The following ITFG1 variants were observed in gnomAD, a reference collection of about 807,000 sequenced individuals.
ITFG1 encodes the protein integrin alpha FG-GAP repeat containing 1, also known as T-cell immunomodulatory protein.
In ITFG1, 34 loss-of-function variants were observed where a neutral mutation model predicts 81.8. The observed-to-expected ratio is 0.42, with a 90% CI of 0.32 to 0.55. The LOEUF is 0.55. Among genes scored for constraint, ITFG1 ranks in the 20% least tolerant of loss-of-function variants. ITFG1 has a pLI of 0.17. For synonymous variants in ITFG1, 285 were observed against 270.6 expected (o/e 1.05, Z -0.52); for missense variants, 672 against 755.4 (o/e 0.89, Z 1.29).
At chr16:47,358,050 G>T (rs771228822) in intron 8 of ITFG1, among the ~76,000 whole-genome samples, 2 of 152,168 alleles carry the variant, frequency 1.3e-5, no homozygotes, top group Non-Finnish European at 2.9e-5. Flanking sequence ...AATCATCACA[G>T]ACATGGAATG....
chr16:47,426,755 A>C (rs1189809029), intron 6 of ITFG1, among the ~76,000 whole-genome samples: 2 of 152,086 alleles, frequency 1.3e-5, no homozygotes, highest in African/African-American at 4.8e-5. Flanking sequence ...TGTTGTAGCA[A>C]AAGTCATAAT....
intron 14 of ITFG1, among the ~76,000 whole-genome samples, chr16:47,185,157 T>C (rs1279456354): frequency 6.6e-6 from 1 of 152,032 alleles, no homozygotes; most frequent in Non-Finnish European, 1.5e-5. Flanking sequence ...CAAAGAGACT[T>C]AGACTCCCAC....
chr16:47,383,872 C>A (rs1489374920), intron 6 of ITFG1, among the ~76,000 whole-genome samples: 3 of 152,106 alleles, frequency 2.0e-5, no homozygotes, highest in Admixed American at 6.5e-5. Context: ...CCATTGCACT[C>A]CAACCTGGGC....
intron 14 of ITFG1, among the ~76,000 whole-genome samples, chr16:47,187,015 C>T (rs1200617449): frequency 3.9e-5 from 6 of 152,126 alleles, no homozygotes; most frequent in African/African-American, 1.2e-4. Context: ...TTCACAATTG[C>T]TTCAAAGAGA....
intron 14 of ITFG1, among the ~76,000 whole-genome samples, chr16:47,167,350 G>A (rs1268104332): frequency 2.0e-5 from 3 of 152,170 alleles, no homozygotes; most frequent in Non-Finnish European, 4.4e-5. Context: ...AATCACAAAA[G>A]TAGTGAATAT....
intron 5 of ITFG1, among the ~76,000 whole-genome samples, chr16:47,435,515 C>A (rs1969155116): frequency 2.0e-5 from 3 of 152,196 alleles, no homozygotes; most frequent in Non-Finnish European, 2.9e-5. Context: ...CACCCTTAAT[C>A]TCAAAGAATG....
At chr16:47,424,835 T>C (rs1476773371) in intron 6 of ITFG1, among the ~76,000 whole-genome samples, 1 of 152,052 alleles carries the variant, frequency 6.6e-6, no homozygotes, top group East Asian at 1.9e-4. Context: ...ACCTGCCTGT[T>C]TGAGGTGTCT....
chr16:47,355,719 T>G (rs555673867), intron 8 of ITFG1, among the ~76,000 whole-genome samples: 1 of 152,328 alleles, frequency 6.6e-6, no homozygotes, highest in Non-Finnish European at 1.5e-5. Flanking sequence ...GCTTGTTTTA[T>G]TCCAACAGAA....
intron 12 of ITFG1, among the ~76,000 whole-genome samples, chr16:47,253,162 T>C (rs1469218180): frequency 1.3e-5 from 2 of 152,164 alleles, no homozygotes; most frequent in Non-Finnish European, 2.9e-5. Flanking sequence ...GGGTGGTAAG[T>C]TGAAGGCCAG....
At chr16:47,250,825 C>G (rs745395328) in intron 12 of ITFG1, among the ~76,000 whole-genome samples, 12 of 152,208 alleles carry the variant, frequency 7.9e-5, no homozygotes, top group East Asian at 1.9e-4. Context: ...GGGGGTGGAC[C>G]CCCCAGCAGC....
intron 6 of ITFG1, chr16:47,426,362 G>A (rs1316623216): frequency 2.0e-5 from 3 of 151,500 alleles, no homozygotes; most frequent in African/African-American, 4.9e-5. Flanking sequence ...AAAAGGAATT[G>A]TAAGAAACAA....
At chr16:47,171,776 C>T (rs1964966208) in intron 14 of ITFG1, among the ~76,000 whole-genome samples, 1 of 152,058 alleles carries the variant, frequency 6.6e-6, no homozygotes, top group South Asian at 2.1e-4. Context: ...TGATATATGT[C>T]TTATCTTCCT....
rs984563885 is a variant in ITFG1 at position 47,435,308 on chromosome 16, C to T, written c.561-6410G>A. ...ATAATATTTTCATATATGTGCCCAA[C>T]TCCATTTGAAGGCTAAGGTCACACA... On this transcript the variant is annotated intron_variant, in intron 5 of 17. Transcript: ENST00000320640. Among the ~76,000 whole-genome samples, 5 of 152,272 alleles carry T rather than the reference C, an allele frequency of 3.3e-5. No individual in the cohort carries two copies. The South Asian group carries it at 1.0e-3, about 32-fold the overall frequency.
At chr16:47,193,005 T>G (rs1965311369) in intron 14 of ITFG1, among the ~76,000 whole-genome samples, 1 of 152,142 alleles carries the variant, frequency 6.6e-6, no homozygotes. Context: ...ATTCTCTGTA[T>G]TTGTCTGTTC....
chr16:47,269,486 TA>T (rs76159288), intron 10 of ITFG1, among the ~76,000 whole-genome samples: 1,590 of 101,080 alleles, frequency 0.016, 16 homozygotes, highest in African/African-American at 0.035. Context: ...CTGTCTCTAT[TA>T]AAAAAAAAAA....
intron 12 of ITFG1, among the ~76,000 whole-genome samples, chr16:47,242,924 T>C (rs1002317708): frequency 1.3e-5 from 2 of 152,164 alleles, no homozygotes; most frequent in Non-Finnish European, 2.9e-5. Context: ...TGCGTGTAAT[T>C]GCATGGGTAC....
chr16:47,305,869 A>G (rs1172841883), intron 10 of ITFG1, among the ~76,000 whole-genome samples: 3 of 152,226 alleles, frequency 2.0e-5, no homozygotes, highest in Admixed American at 2.0e-4. Context: ...GAATTACTTG[A>G]TAATGTGTCC....
At chr16:47,418,750 A>G (rs1968903940) in intron 6 of ITFG1, among the ~76,000 whole-genome samples, 2 of 152,018 alleles carry the variant, frequency 1.3e-5, no homozygotes, top group South Asian at 2.1e-4. Flanking sequence ...GTTTGTTTTT[A>G]TACTAGTTCT....
chr16:47,254,212 T>C (rs1966114291), intron 12 of ITFG1, among the ~76,000 whole-genome samples: 1 of 152,010 alleles, frequency 6.6e-6, no homozygotes, highest in African/African-American at 2.4e-5. Context: ...ATCTCTAATA[T>C]CTTGTTTTTG....
Sources: gnomAD v4.1 joint callset for allele counts (sites outside exome capture counted in the v4.1 genomes callset) on GRCh38, gnomAD v4.1.1 for gene constraint, MANE v1.5 for transcripts, NCBI Gene and HGNC (gene_info 2026-07-23, HGNC 2026-07-21) for gene names.